The following FARP2 variants were observed in gnomAD, a reference collection of about 807,000 sequenced individuals.
FARP2 encodes the protein FERM, ARHGEF and pleckstrin domain-containing protein 2.
FARP2 carries 111 observed loss-of-function variants against 130.5 expected under a neutral mutation model. That is an observed-to-expected ratio of 0.85 (90% confidence interval 0.73 to 1.00). The LOEUF (loss-of-function observed/expected upper bound fraction) is 1.00. Ranked by LOEUF, FARP2 falls within the 50% of genes least tolerant of loss-of-function variation. The pLI, the probability that FARP2 is intolerant of heterozygous loss-of-function variation, is 0.00. For synonymous variants in FARP2, 504 were observed against 516.9 expected, an observed-to-expected ratio of 0.98 and a Z score of 0.34; for missense variants, 1,385 against 1,346.3, an observed-to-expected ratio of 1.03 and a Z score of -0.45.
intron 13 of FARP2, 143 bp downstream of exon 13, chr2:241,441,699 T>G: frequency 8.2e-7 from 1 of 1,223,104 alleles, no homozygotes; most frequent in Non-Finnish European, 1.2e-6. Flanking sequence ...GGGATGACTT[T>G]ACCACAGGCT....
intron 8 of FARP2, among the ~76,000 whole-genome samples, chr2:241,419,346 C>G (rs2062752703): frequency 6.6e-6 from 1 of 152,058 alleles, no homozygotes; most frequent in South Asian, 2.1e-4. Flanking sequence ...CCCCATTGCA[C>G]AGAGATGAAA....
At chr2:241,453,388 C>A (rs574179139) in intron 13 of FARP2, among the ~76,000 whole-genome samples, 1 of 151,218 alleles carries the variant, frequency 6.6e-6, no homozygotes, top group East Asian at 2.0e-4. Context: ...TTTGGGAGGC[C>A]AAGGCGGGCA....
At chr2:241,396,197 A>G (rs1009054477) in intron 2 of FARP2, among the ~76,000 whole-genome samples, 1 of 152,076 alleles carries the variant, frequency 6.6e-6, no homozygotes, top group African/African-American at 2.4e-5. Flanking sequence ...GATGGATTAA[A>G]GACTTAAACG....
intron 11 of FARP2, among the ~76,000 whole-genome samples, chr2:241,435,646 G>C (rs2063208195): frequency 6.6e-6 from 1 of 151,276 alleles, no homozygotes; most frequent in South Asian, 2.1e-4. Context: ...CGAGTAGCTG[G>C]GACTGCAGGC....
At chr2:241,463,618 T>A in intron 16 of FARP2, 150 bp downstream of exon 16, 2 of 844,602 alleles carry the variant, frequency 2.4e-6, no homozygotes, top group Non-Finnish European at 3.6e-6. Flanking sequence ...GGTACAGATG[T>A]AATAATACCC....
chr2:241,491,693 A>C lies in FARP2; in HGVS notation c.2787+14A>C. On this transcript the variant is annotated intron_variant, in intron 24 of 26. Transcript: ENST00000264042. ...GCAGCTGTCGAGGTACGACCGCATGAGCACCACCTCAGTGCATCTGGAATG... is the reference window on the plus strand; with the variant it reads ...GCAGCTGTCGAGGTACGACCGCATGCGCACCACCTCAGTGCATCTGGAATG... 2 of 1,580,760 alleles carry C rather than the reference A, an allele frequency of 1.3e-6. No homozygotes were observed. The highest frequency in any genetic ancestry group is 1.7e-6 in the Non-Finnish European group (2 of 1,160,846).
chr2:241,374,014 CT>C (rs779927100), intron 2 of FARP2, among the ~76,000 whole-genome samples: 257 of 142,462 alleles, frequency 1.8e-3, no homozygotes, highest in Middle Eastern at 3.7e-3. Context: ...TCATCTTTTA[CT>C]TTTTTTTTTT....
chr2:241,460,261 G>A (rs1405789662), intron 14 of FARP2, among the ~76,000 whole-genome samples: 1 of 152,130 alleles, frequency 6.6e-6, no homozygotes, highest in African/African-American at 2.4e-5. Context: ...AATTCACTGG[G>A]CATATCAAGC....
chr2:241,425,471 C>T (rs2062910579), intron 8 of FARP2, among the ~76,000 whole-genome samples: 1 of 151,592 alleles, frequency 6.6e-6, no homozygotes, highest in African/African-American at 2.4e-5. Context: ...CCAAGAACTC[C>T]CAGGAAGAAG....
intron 2 of FARP2, among the ~76,000 whole-genome samples, chr2:241,401,327 T>C (rs2062161430): frequency 6.6e-6 from 1 of 152,208 alleles, no homozygotes; most frequent in South Asian, 2.1e-4. Flanking sequence ...TGAGATGTTA[T>C]AGAAGTGAAG....
At chr2:241,381,736 C>T (rs1015934008) in intron 2 of FARP2, among the ~76,000 whole-genome samples, 20 of 152,150 alleles carry the variant, frequency 1.3e-4, no homozygotes, top group African/African-American at 4.6e-4. Context: ...GTGCATTCTA[C>T]TTTTTTACCT....
At position 241,415,987 on chromosome 2, in the gene FARP2, T is replaced by TTCTC. The variant is rs144715430; in HGVS notation, c.624-1972_624-1971insCTCT. ...ACAAAGAACTGGACCCTCAGGGTAGTTCTGTGTGTGTGTGTGTGTGTGTGT... is the reference window on the plus strand; with the variant it reads ...ACAAAGAACTGGACCCTCAGGGTAGTTCTCTCTGTGTGTGTGTGTGTGTGTGTGT... On this transcript the variant is annotated intron_variant, in intron 7 of 26. Transcript: ENST00000264042. 7.8e-4 allele frequency among the ~76,000 whole-genome samples: 78 copies of TTCTC among 100,558 alleles called. 1 individual carries two copies. The highest frequency in any genetic ancestry group is 5.6e-3 in the East Asian group (17 of 3,026). The allele number at this position is 100,558 out of a possible 152,430, so 66.0% of individuals were successfully genotyped here. A position where few individuals can be genotyped will look rare whatever the true frequency, so the allele number is the denominator to read the frequency against.
chr2:241,413,532 C>A, intron 7 of FARP2, 111 bp downstream of exon 7: 1 of 775,192 alleles, frequency 1.3e-6, no homozygotes, highest in Non-Finnish European at 2.1e-6. Context: ...ACATAAGGAC[C>A]ATTGCTCCTG....
intron 5 of FARP2, among the ~76,000 whole-genome samples, chr2:241,407,858 G>A (rs953781789): frequency 6.6e-6 from 1 of 152,144 alleles, no homozygotes; most frequent in African/African-American, 2.4e-5. Flanking sequence ...TGGGATGTTA[G>A]GGTCATGTTG....
rs1193610192 is a variant in FARP2, at chr2:241,482,338, G to A, written c.2263-1127G>A. Among the ~76,000 whole-genome samples the A allele has an allele frequency of 6.6e-6, 1 of 152,202 alleles. No individual in the cohort carries two copies. Among genetic ancestry groups the A allele is most frequent in the Non-Finnish European group, 1.5e-5 (1 of 68,034 alleles). ...ACATCCTGTGAGGGAGCTCTGGAGAGGGGGCTGCTGCTTAGCCAGTGCTGG... is the reference window on the plus strand; with the variant it reads ...ACATCCTGTGAGGGAGCTCTGGAGAAGGGGCTGCTGCTTAGCCAGTGCTGG... On this transcript the variant is annotated intron_variant, in intron 19 of 26. Coordinates refer to ENST00000264042, the MANE Select transcript of FARP2 (RefSeq NM_014808.4). The surrounding 1 kb of genome is among the most constrained non-coding windows in gnomAD (Gnocchi z 4.6).
chr2:241,473,650 C>T lies in FARP2; in HGVS notation c.2132-2207C>T, dbSNP rs2064374694. ...TTGAGGGCAGGGTGGCACTGGTGCT[C>T]TTTGAGTGGATTCAAGCAGCCATGC... is the stretch of plus-strand genomic sequence containing the variant. On this transcript the variant is annotated intron_variant, in intron 18 of 26. Coordinates refer to ENST00000264042, the MANE Select transcript of FARP2 (RefSeq NM_014808.4). 3.3e-5 allele frequency among the ~76,000 whole-genome samples: 5 copies of T among 152,268 alleles called. No individual in the cohort carries two copies. The South Asian group carries it at 1.0e-3, about 32-fold the overall frequency.
At position 241,441,539 on chromosome 2, in the gene FARP2, C is replaced by A. The variant is rs1476035006; in HGVS notation, c.1394C>A (p.Ala465Glu). The A allele has an allele frequency of 6.2e-7, 1 of 1,614,074 alleles. No individual in the cohort carries two copies. Among genetic ancestry groups the A allele is most frequent in the Non-Finnish European group, 8.5e-7 (1 of 1,180,044 alleles). The change falls in exon 13 of 27, where the codon GCA becomes GAA. Residue 465 changes from alanine (A) to glutamate (E), a missense_variant. Ala to Glu is a moderately radical substitution (Grantham distance 107). Coordinates refer to ENST00000264042, the MANE Select transcript of FARP2 (RefSeq NM_014808.4). ...TCGGCCCAGCCCCTCGGGCCCCCCG[C>A]ACTCCAGCCTGGTCCAGGTGTCGGG... The part of the protein sequence containing the change: ...TPSAQPLGPP[A>E]LQPGPGLSTK...
At chr2:241,442,689 C>T (rs1260442203) in intron 13 of FARP2, 1 of 338,238 alleles carries the variant, frequency 3.0e-6, no homozygotes, top group African/African-American at 2.2e-5. Flanking sequence ...TTTTGAATGT[C>T]AAAAAATTTG....
At chr2:241,467,535 G>C (rs573411910) in intron 17 of FARP2, among the ~76,000 whole-genome samples, 3 of 151,950 alleles carry the variant, frequency 2.0e-5, no homozygotes, top group South Asian at 4.2e-4. Flanking sequence ...CTGTTCTTGC[G>C]GGGGGCTAAG....
Sources: gnomAD v4.1 joint callset for allele counts (sites outside exome capture counted in the v4.1 genomes callset) on GRCh38, gnomAD v4.1.1 for gene constraint, Gnocchi (gnomAD v3.1) non-coding constraint, MANE v1.5 for transcripts, NCBI Gene and HGNC (gene_info 2026-07-23, HGNC 2026-07-21) for gene names.